NALCN: variants seen among roughly 807,000 people sequenced by gnomAD.
NALCN encodes sodium leak channel NALCN.
NALCN carries 111 observed loss-of-function variants against 225.3 expected under a neutral mutation model. The observed-to-expected ratio is 0.49, with a 90% CI of 0.42 to 0.58. The LOEUF (loss-of-function observed/expected upper bound fraction) is 0.58, where lower values mean the gene tolerates loss of function less well. Among genes scored for constraint, NALCN ranks in the 20% least tolerant of loss-of-function variants. NALCN has a pLI of 0.00. For missense variants in NALCN, 1,378 were observed against 2,202.4 expected (o/e 0.63, Z 7.49); for synonymous variants, 764 against 769.0 (o/e 0.99, Z 0.11).
rs543811325 is a variant in NALCN, at chr13:101,205,903, C to T, written c.1627-13849G>A. Among the ~76,000 whole-genome samples the T allele has an allele frequency of 2.5e-4, 38 of 152,002 alleles. No individual in the cohort carries two copies. In the South Asian group the frequency reaches 5.8e-3, roughly 23 times the overall value. ...ATGGAGGATTAATTAAAAATATTTC[C>T]GTAACTAAAACAGCACAGAATCTAC... On this transcript the variant is annotated intron_variant, in intron 13 of 43. Coordinates refer to ENST00000251127, the MANE Select transcript of NALCN (RefSeq NM_052867.4).
intron 15 of NALCN, among the ~76,000 whole-genome samples, chr13:101,148,248 G>C (rs74839900): frequency 2.6e-5 from 4 of 152,108 alleles, no homozygotes; most frequent in Non-Finnish European, 5.9e-5. Flanking sequence ...CTCTCTGAAG[G>C]CTCCAGGCGA....
intron 13 of NALCN, among the ~76,000 whole-genome samples, chr13:101,193,859 A>G (rs1566412580): frequency 6.6e-6 from 1 of 152,212 alleles, no homozygotes; most frequent in Non-Finnish European, 1.5e-5. Flanking sequence ...ACATAAAAAT[A>G]TCAGATTGCT....
Position 101,191,904 on chromosome 13 carries a change from A to T in NALCN, c.1764+13T>A. On this transcript the variant is annotated intron_variant, in intron 14 of 43. Coordinates refer to ENST00000251127, the MANE Select transcript of NALCN (RefSeq NM_052867.4). ...ATTCCAAGATATAATTGAAAAAAAA[A>T]TGCTGAACTCACCAGAGTGGCAAAA... The T allele has an allele frequency of 1.9e-6, 3 of 1,603,820 alleles. No individual in the cohort carries two copies. Among genetic ancestry groups the T allele is most frequent in the Non-Finnish European group, 2.6e-6 (3 of 1,176,396 alleles).
intron 7 of NALCN, among the ~76,000 whole-genome samples, chr13:101,307,143 C>T (rs1458911580): frequency 6.6e-6 from 1 of 152,152 alleles, no homozygotes; most frequent in African/African-American, 2.4e-5. Context: ...TTATGGAGAT[C>T]CTTGGGTGCT....
chr13:101,146,736 A>T (rs111953879), intron 15 of NALCN, among the ~76,000 whole-genome samples: 11 of 152,322 alleles, frequency 7.2e-5, no homozygotes, highest in African/African-American at 2.6e-4. Context: ...TTATAAATCA[A>T]ATCTTACAGG....
chr13:101,107,977 C>T (rs534868270), intron 20 of NALCN, among the ~76,000 whole-genome samples, 188 bp from the exon 21 acceptor site: 1 of 147,598 alleles, frequency 6.8e-6, no homozygotes, highest in South Asian at 2.1e-4. Context: ...TATATTTATA[C>T]TAAATGTATA....
chr13:101,072,036 CA>C (rs993351748), intron 37 of NALCN, among the ~76,000 whole-genome samples: 1 of 151,982 alleles, frequency 6.6e-6, no homozygotes, highest in African/African-American at 2.4e-5. Context: ...TGACATTTAT[CA>C]ATTAAATTCT....
chr13:101,246,343 T>A (rs926464977), intron 11 of NALCN, among the ~76,000 whole-genome samples: 5 of 152,086 alleles, frequency 3.3e-5, no homozygotes, highest in Non-Finnish European at 7.4e-5. Flanking sequence ...ATGATGGATA[T>A]CATGAGAAAA....
intron 7 of NALCN, among the ~76,000 whole-genome samples, chr13:101,339,179 T>C (rs969857271): frequency 2.0e-5 from 3 of 152,222 alleles, no homozygotes; most frequent in African/African-American, 7.2e-5. Flanking sequence ...GTTGCTGTGA[T>C]TTTGTGTCAC....
intron 10 of NALCN, among the ~76,000 whole-genome samples, chr13:101,271,903 G>A (rs945507462): frequency 1.3e-5 from 2 of 151,580 alleles, no homozygotes; most frequent in Non-Finnish European, 1.5e-5. Context: ...ATGTGTGTGC[G>A]TGTGATTGTG....
At chr13:101,180,974 G>A (rs998768857) in intron 14 of NALCN, 2 of 440,888 alleles carry the variant, frequency 4.5e-6, no homozygotes, top group Admixed American at 4.8e-5. Flanking sequence ...TGTGAAGAAG[G>A]AGGACCAGAA....
At chr13:101,217,416 G>T (rs1160271985) in intron 13 of NALCN, among the ~76,000 whole-genome samples, 2 of 152,182 alleles carry the variant, frequency 1.3e-5, no homozygotes, top group Non-Finnish European at 2.9e-5. Flanking sequence ...CAGTGTAGCT[G>T]TTTGGTCCAA....
At position 101,208,524 on chromosome 13, in the gene NALCN, T is replaced by C. The variant is rs143650162; in HGVS notation, c.1627-16470A>G. On this transcript the variant is annotated intron_variant, in intron 13 of 43. Coordinates refer to ENST00000251127, the MANE Select transcript of NALCN (RefSeq NM_052867.4). Reference sequence around the variant, plus strand: ...GTTTAATATGTCTTTTAATCATTCATTGTGACACTTTGTTACATGTTGTTT... The same window carrying C: ...GTTTAATATGTCTTTTAATCATTCACTGTGACACTTTGTTACATGTTGTTT... Among the ~76,000 whole-genome samples the C allele has an allele frequency of 8.3e-3, 1,269 of 152,370 alleles. 7 individuals carry two copies. The highest frequency in any genetic ancestry group is 0.014 in the Non-Finnish European group (963 of 68,026).
chr13:101,178,141 C>T (rs1480390833), intron 14 of NALCN, among the ~76,000 whole-genome samples: 2 of 152,134 alleles, frequency 1.3e-5, no homozygotes, highest in African/African-American at 2.4e-5. Context: ...CCCAATACCT[C>T]GACGACAGAA....
intron 7 of NALCN, among the ~76,000 whole-genome samples, chr13:101,334,097 C>T (rs192841237): frequency 1.1e-4 from 16 of 152,108 alleles, no homozygotes; most frequent in Admixed American, 3.3e-4. Flanking sequence ...AAAAGAAGTG[C>T]CTGAGGCTCT....
intron 7 of NALCN, among the ~76,000 whole-genome samples, chr13:101,325,316 G>A (rs2044907634): frequency 6.6e-6 from 1 of 152,332 alleles, no homozygotes; most frequent in Admixed American, 6.5e-5. Flanking sequence ...TGCTTATTAA[G>A]TTTGTTGGCC....
intron 13 of NALCN, among the ~76,000 whole-genome samples, chr13:101,219,329 G>A (rs1039944509): frequency 6.6e-6 from 1 of 152,294 alleles, no homozygotes; most frequent in Admixed American, 6.5e-5. Context: ...GAATGATGGA[G>A]GGTAATGAGG....
At chr13:101,227,391 A>G (rs2041185518) in intron 13 of NALCN, among the ~76,000 whole-genome samples, 1 of 152,062 alleles carries the variant, frequency 6.6e-6, no homozygotes, top group South Asian at 2.1e-4. Context: ...ACACACCTGA[A>G]TGTGTGTTCT....
intron 18 of NALCN, among the ~76,000 whole-genome samples, chr13:101,114,021 A>AC (rs2035577304): frequency 6.6e-6 from 1 of 152,026 alleles, no homozygotes; most frequent in African/African-American, 2.4e-5. Context: ...GGACTGTGTG[A>AC]CCCCATCCCT....
Sources: allele counts gnomAD v4.1 joint callset (sites outside exome capture counted in the v4.1 genomes callset), GRCh38; gene constraint gnomAD v4.1.1; transcripts MANE v1.5; gene names NCBI Gene and HGNC (gene_info 2026-07-23, HGNC 2026-07-21).